Variants in SYT9 observed in about 807,000 individuals in gnomAD.
SYT9 encodes the protein synaptotagmin 9.
SYT9 carries 22 observed loss-of-function variants against 48.4 expected under a neutral mutation model. That is an observed-to-expected ratio of 0.45 (90% CI 0.32 to 0.65). The LOEUF is 0.65. SYT9 is among the 30% of genes least tolerant of loss of function. The pLI is 0.03. For synonymous variants in SYT9, 265 were observed against 245.0 expected (o/e 1.08, Z -0.76); for missense variants, 577 against 622.0 (o/e 0.93, Z 0.77).
chr11:7,423,776 G>T (rs570721360), intron 6 of SYT9, among the ~76,000 whole-genome samples: 1 of 109,710 alleles, frequency 9.1e-6, no homozygotes, highest in African/African-American at 4.9e-5. Flanking sequence ...ATCTCAGAGT[G>T]GGGGGAAGGG....
chr11:7,239,548 A>G (rs1474046423), intron 1 of SYT9, among the ~76,000 whole-genome samples: 3 of 152,034 alleles, frequency 2.0e-5, no homozygotes, highest in Non-Finnish European at 2.9e-5. Flanking sequence ...AAAAAGTCAT[A>G]CTCCCTCAAA....
Position 7,464,926 on chromosome 11 carries a change from C to CA in SYT9, c.1468-1854dup, listed in dbSNP as rs750584301. Among the ~76,000 whole-genome samples, 1,165 of 143,838 alleles carry CA rather than the reference C, an allele frequency of 8.1e-3. 19 individuals carry two copies. Among genetic ancestry groups the CA allele is most frequent in the African/African-American group, 0.023 (906 of 39,294 alleles). 94.4% of individuals were successfully genotyped at this position (143,838 alleles called of 152,430 possible). On this transcript the variant is annotated intron_variant, in intron 6 of 6. Transcript: ENST00000318881. ...TGAAACCCCGTCTCTACTAAAAATA[C>CA]AAAAAAAAAAAATTAGCCGGGCGTG...
chr11:7,281,642 A>C (rs1471277025), intron 1 of SYT9, among the ~76,000 whole-genome samples: 1 of 152,214 alleles, frequency 6.6e-6, no homozygotes, highest in Non-Finnish European at 1.5e-5. Context: ...GATGTGTAAA[A>C]ATTTTTGGAG....
intron 3 of SYT9, among the ~76,000 whole-genome samples, chr11:7,389,996 T>G (rs770847471): frequency 4.6e-5 from 7 of 152,210 alleles, no homozygotes; most frequent in Non-Finnish European, 7.3e-5. Flanking sequence ...ATACTAATTT[T>G]TATTATACTT....
intron 1 of SYT9, among the ~76,000 whole-genome samples, chr11:7,291,556 G>C (rs545013263): frequency 4.7e-4 from 71 of 152,156 alleles, no homozygotes; most frequent in African/African-American, 1.7e-3. Flanking sequence ...ACTCACCAGG[G>C]GCTCTGCTCC....
chr11:7,364,572 G>T (rs958442478), intron 3 of SYT9, among the ~76,000 whole-genome samples: 13 of 152,148 alleles, frequency 8.5e-5, no homozygotes, highest in African/African-American at 3.1e-4. Context: ...CCCCAGATTT[G>T]TTTGACTTTA....
chr11:7,371,089 G>A (rs1850353362), intron 3 of SYT9, among the ~76,000 whole-genome samples: 1 of 152,008 alleles, frequency 6.6e-6, no homozygotes, highest in Non-Finnish European at 1.5e-5. Context: ...ATAGCAGTAG[G>A]CTGATATTAT....
At chr11:7,302,848 C>T (rs1410894080) in intron 1 of SYT9, among the ~76,000 whole-genome samples, 191 bp from the exon 2 acceptor site, 1 of 152,178 alleles carries the variant, frequency 6.6e-6, no homozygotes, top group Non-Finnish European at 1.5e-5. Flanking sequence ...GCTCACTGGT[C>T]CTCTGGTTTG....
At position 7,340,310 on chromosome 11, in the gene SYT9, A is replaced by G. The variant is rs186580619; in HGVS notation, c.1044+26369A>G. On this transcript the variant is annotated intron_variant, in intron 3 of 6. Coordinates refer to ENST00000318881, the MANE Select transcript of SYT9 (RefSeq NM_175733.4). ...CTTGAGATGAGTTTGCCATTCTCCTAAATTTTAACAATCCTTGTTCCTATC... is the reference window on the plus strand; with the variant it reads ...CTTGAGATGAGTTTGCCATTCTCCTGAATTTTAACAATCCTTGTTCCTATC... Among the ~76,000 whole-genome samples, 280 of 152,326 alleles carry G rather than the reference A, an allele frequency of 1.8e-3. 1 individual carries two copies. The highest frequency in any genetic ancestry group is 2.7e-3 in the Non-Finnish European group (181 of 68,018).
chr11:7,466,171 C>T (rs2134163307), intron 6 of SYT9, among the ~76,000 whole-genome samples: 1 of 152,340 alleles, frequency 6.6e-6, no homozygotes. Flanking sequence ...AGTGACCCTT[C>T]TTCTTTCCAG....
At chr11:7,354,998 T>C (rs1287296115) in intron 3 of SYT9, among the ~76,000 whole-genome samples, 1 of 152,136 alleles carries the variant, frequency 6.6e-6, no homozygotes, top group Non-Finnish European at 1.5e-5. Flanking sequence ...AAAAAATGAA[T>C]TATGGCTTGG....
intron 1 of SYT9, among the ~76,000 whole-genome samples, chr11:7,278,142 G>A (rs1410700558): frequency 1.3e-5 from 2 of 152,104 alleles, no homozygotes; most frequent in Admixed American, 6.6e-5. Context: ...AATTGCCCTG[G>A]GTCGAGGCAG....
At chr11:7,244,243 T>C (rs1847770051) in intron 1 of SYT9, among the ~76,000 whole-genome samples, 1 of 152,204 alleles carries the variant, frequency 6.6e-6, no homozygotes, top group Non-Finnish European at 1.5e-5. Flanking sequence ...AACTTTATAA[T>C]TGTCCATCAT....
intron 6 of SYT9, among the ~76,000 whole-genome samples, chr11:7,424,043 A>T (rs1847405872): frequency 6.6e-6 from 1 of 152,126 alleles, no homozygotes; most frequent in South Asian, 2.1e-4. Flanking sequence ...TTTAGCATGG[A>T]GGGAGGCTGG....
chr11:7,404,879 A>G (rs1260008047), intron 3 of SYT9, among the ~76,000 whole-genome samples: 1 of 152,172 alleles, frequency 6.6e-6, no homozygotes, highest in Non-Finnish European at 1.5e-5. Flanking sequence ...CACTACAACC[A>G]TACAGATCAC....
intron 1 of SYT9, among the ~76,000 whole-genome samples, chr11:7,260,259 G>GA (rs1848053354): frequency 6.6e-6 from 1 of 152,140 alleles, no homozygotes; most frequent in Admixed American, 6.5e-5. Context: ...ATACAGTACA[G>GA]AAAAAAGAGG....
At chr11:7,257,343 T>C (rs1162083414) in intron 1 of SYT9, among the ~76,000 whole-genome samples, 1 of 152,114 alleles carries the variant, frequency 6.6e-6, no homozygotes, top group East Asian at 1.9e-4. Flanking sequence ...TCATTGAACA[T>C]ATCATAAGGC....
At chr11:7,262,014 AG>A (rs1470347629) in intron 1 of SYT9, among the ~76,000 whole-genome samples, 1 of 152,158 alleles carries the variant, frequency 6.6e-6, no homozygotes, top group Non-Finnish European at 1.5e-5. Context: ...AGACTATAGG[AG>A]GGGAAGGTTG....
intron 6 of SYT9, among the ~76,000 whole-genome samples, chr11:7,460,221 C>T (rs1434288873): frequency 6.6e-6 from 1 of 152,154 alleles, no homozygotes; most frequent in African/African-American, 2.4e-5. Flanking sequence ...GAAATAAAAA[C>T]ACTTTTTTCA....
Sources: allele counts gnomAD v4.1 joint callset (sites outside exome capture counted in the v4.1 genomes callset), GRCh38; gene constraint gnomAD v4.1.1; transcripts MANE v1.5; gene names NCBI Gene and HGNC (gene_info 2026-07-23, HGNC 2026-07-21).